The following DIAPH2 variants were observed in gnomAD, a reference collection of about 807,000 sequenced individuals.
DIAPH2 encodes protein diaphanous homolog 2.
DIAPH2 carries 35 observed loss-of-function variants against 92.7 expected under a neutral mutation model. That is an observed-to-expected ratio of 0.38 (90% CI 0.29 to 0.50). DIAPH2 has a LOEUF of 0.50. DIAPH2 is among the 20% of genes least tolerant of loss of function. The probability of loss-of-function intolerance (pLI) is 0.94; values close to 1 mark genes in which losing one functional copy is unlikely to be tolerated. For missense variants in DIAPH2, 701 were observed against 819.5 expected (o/e 0.86, Z 1.77); for synonymous variants, 301 against 280.4 (o/e 1.07, Z -0.73).
chrX:97,459,015 CAG>C (rs1285676492), intron 26 of DIAPH2, among the ~76,000 whole-genome samples: 2 of 111,933 alleles, frequency 1.8e-5, no homozygotes, highest in African/African-American at 6.5e-5. Flanking sequence ...TCTCCATTCC[CAG>C]AGTCTGACTT....
chrX:97,576,387 A>C (rs771931564), intron 26 of DIAPH2, among the ~76,000 whole-genome samples: 1 of 111,893 alleles, frequency 8.9e-6, no homozygotes, highest in East Asian at 2.8e-4. Flanking sequence ...AAGCTCAAGA[A>C]ATTTTGCTAC....
intron 23 of DIAPH2, among the ~76,000 whole-genome samples, chrX:97,254,961 C>T (rs984889754): frequency 9.0e-6 from 1 of 111,145 alleles, no homozygotes; most frequent in Non-Finnish European, 1.9e-5. Context: ...GCCTCAGCCT[C>T]CCAAAGTGCT....
intron 22 of DIAPH2, among the ~76,000 whole-genome samples, chrX:97,223,406 T>A (rs774767873): frequency 9.0e-6 from 1 of 111,216 alleles, no homozygotes; most frequent in Non-Finnish European, 1.9e-5. Context: ...TATATCAGCT[T>A]ATGGTTTTTT....
chrX:96,737,038 G>A (rs979614055), intron 2 of DIAPH2, among the ~76,000 whole-genome samples: 11 of 111,803 alleles, frequency 9.8e-5, no homozygotes, highest in Admixed American at 1.9e-4. Flanking sequence ...CCCTCAAAAA[G>A]TTAAAAGAAA....
intron 1 of DIAPH2, 62 bp downstream of exon 1, chrX:96,685,252 C>T (rs1012352298): frequency 9.3e-6 from 9 of 963,204 alleles, no homozygotes; most frequent in African/African-American, 6.0e-5. Flanking sequence ...ATCCTCCTGC[C>T]ATTGAACACG....
intron 23 of DIAPH2, among the ~76,000 whole-genome samples, chrX:97,323,329 C>T (rs1464394617): frequency 1.4e-4 from 14 of 103,536 alleles, no homozygotes; most frequent in Middle Eastern, 5.2e-3. Context: ...CGGTGGCTCA[C>T]GCCTGTAATC....
intron 23 of DIAPH2, among the ~76,000 whole-genome samples, chrX:97,250,897 G>T (rs1221070993): frequency 1.8e-5 from 2 of 111,496 alleles, no homozygotes; most frequent in Non-Finnish European, 3.8e-5. Flanking sequence ...TTAAGAGAGA[G>T]GATCCACAGC....
intron 23 of DIAPH2, among the ~76,000 whole-genome samples, chrX:97,328,495 A>G (rs752897603): frequency 1.8e-5 from 2 of 111,455 alleles, no homozygotes; most frequent in East Asian, 2.8e-4. Context: ...ATTATAAGTC[A>G]TTTCATTGCT....
At chrX:96,944,569 C>T (rs1429728507) in intron 13 of DIAPH2, among the ~76,000 whole-genome samples, 1 of 112,010 alleles carries the variant, frequency 8.9e-6, no homozygotes, top group Non-Finnish European at 1.9e-5. Flanking sequence ...TTACTAGTTA[C>T]ATTTTATAGT....
intron 4 of DIAPH2, among the ~76,000 whole-genome samples, chrX:96,786,351 G>T (rs1252347528): frequency 8.9e-6 from 1 of 111,954 alleles, no homozygotes; most frequent in African/African-American, 3.2e-5. Context: ...TGAAGGTACT[G>T]TGGAGAAAGG....
intron 4 of DIAPH2, among the ~76,000 whole-genome samples, chrX:96,877,609 T>C (rs1054378553): frequency 8.9e-6 from 1 of 111,866 alleles, no homozygotes; most frequent in Non-Finnish European, 1.9e-5. Flanking sequence ...AGTAAGTCTG[T>C]TTTTACATTA....
intron 26 of DIAPH2, among the ~76,000 whole-genome samples, chrX:97,462,497 A>G (rs1216679162): frequency 1.8e-5 from 2 of 112,271 alleles, no homozygotes; most frequent in African/African-American, 6.5e-5. Context: ...TACAATTTGC[A>G]GTAGTCTTGG....
At chrX:96,885,927 A>G (rs1033096295) in intron 5 of DIAPH2, among the ~76,000 whole-genome samples, 2 of 111,975 alleles carry the variant, frequency 1.8e-5, no homozygotes, top group South Asian at 7.4e-4. Flanking sequence ...GAAACAGCTC[A>G]TAGGAATATG....
At chrX:97,425,810 G>T (rs957002595) in intron 25 of DIAPH2, among the ~76,000 whole-genome samples, 1 of 92,303 alleles carries the variant, frequency 1.1e-5, no homozygotes, top group Admixed American at 1.3e-4. Flanking sequence ...TATACTGGGT[G>T]TGTGTGTGTA....
intron 19 of DIAPH2, among the ~76,000 whole-genome samples, chrX:97,082,179 T>G (rs1027484384): frequency 9.1e-6 from 1 of 110,309 alleles, no homozygotes; most frequent in African/African-American, 3.3e-5. Flanking sequence ...TTCAGTAAGA[T>G]GCGATCTCAG....
At chrX:97,375,452 A>T (rs1441874040) in intron 24 of DIAPH2, among the ~76,000 whole-genome samples, 1 of 111,466 alleles carries the variant, frequency 9.0e-6, no homozygotes, top group African/African-American at 3.3e-5. Context: ...GCACAACTCC[A>T]TCTCAAAAAA....
At chrX:97,045,526 G>A (rs1359358527) in intron 17 of DIAPH2, among the ~76,000 whole-genome samples, 1 of 111,406 alleles carries the variant, frequency 9.0e-6, no homozygotes, top group Non-Finnish European at 1.9e-5. Context: ...CAGGATAGAA[G>A]CCCTGATGCA....
At chrX:97,354,788 T>A (rs1246119450) in intron 24 of DIAPH2, among the ~76,000 whole-genome samples, 1 of 112,822 alleles carries the variant, frequency 8.9e-6, no homozygotes, top group Non-Finnish European at 1.9e-5. Context: ...TAGATTGAAC[T>A]CTTCTCCCAA....
At chrX:97,253,288 T>TAAAAAAAA (rs1322235446) in intron 23 of DIAPH2, among the ~76,000 whole-genome samples, 1 of 96,405 alleles carries the variant, frequency 1.0e-5, no homozygotes, top group African/African-American at 3.7e-5. Flanking sequence ...TAGGACTCCG[T>TAAAAAAAA]AAAAAAAAAT....
Sources: allele counts gnomAD v4.1 joint callset (sites outside exome capture counted in the v4.1 genomes callset), GRCh38; gene constraint gnomAD v4.1.1; transcripts MANE v1.5; gene names NCBI Gene and HGNC (gene_info 2026-07-23, HGNC 2026-07-21).